SLC4A2: variants seen among roughly 807,000 people sequenced by gnomAD.
SLC4A2 encodes the protein anion exchange protein 2.
In SLC4A2, 36 loss-of-function variants were observed where a neutral mutation model predicts 115.0. That is an observed-to-expected ratio of 0.31 (90% CI 0.24 to 0.41). The LOEUF (loss-of-function observed/expected upper bound fraction) is 0.41, where lower values mean the gene tolerates loss of function less well. Ranked by LOEUF, SLC4A2 falls within the 10% of genes least tolerant of loss-of-function variation. SLC4A2 has a pLI of 1.00. For missense variants in SLC4A2, 1,252 were observed against 1,705.6 expected, an observed-to-expected ratio of 0.73 and a Z score of 4.68; for synonymous variants, 708 against 708.3, an observed-to-expected ratio of 1.00 and a Z score of 0.01.
At chr7:151,066,370 C>T (rs541354517) in intron 5 of SLC4A2, 147 bp from the exon 6 acceptor site, 34 of 939,568 alleles carry the variant, frequency 3.6e-5, no homozygotes, top group Non-Finnish European at 4.5e-5. Context: ...GAATCCTCCC[C>T]CTCCCCGTGC....
chr7:151,067,100 T>C, intron 7 of SLC4A2, 107 bp downstream of exon 7: 2 of 1,236,592 alleles, frequency 1.6e-6, no homozygotes, highest in Non-Finnish European at 2.3e-6. Context: ...TGTTGTTTTG[T>C]TGTTGTTTGA....
At position 151,076,310 on chromosome 7, in the gene SLC4A2, G is replaced by A. The variant is rs201397166; in HGVS notation, c.3669G>A (p.Pro1223=). Residue 1223 remains proline (P), a synonymous_variant, in exon 23 of 23, where the codon CCG becomes CCA. Coordinates refer to ENST00000413384, the MANE Select transcript of SLC4A2 (RefSeq NM_003040.4). The stretch of plus-strand genomic sequence containing the variant: ...AGCTGGATGCTAACGAGGCAGAGCC[G>A]GTGTTTGATGAGCGGGAGGGTGTGG... ...MKCLDANEAE[P]VFDEREGVDE... 25 of 1,548,492 alleles carry A rather than the reference G, an allele frequency of 1.6e-5. No homozygotes were observed. The highest frequency in any genetic ancestry group is 1.4e-4 in the East Asian group (6 of 44,284).
At chr7:151,062,719 C>G (rs1025746583) in intron 2 of SLC4A2, 38 of 1,421,170 alleles carry the variant, frequency 2.7e-5, no homozygotes, top group Non-Finnish European at 3.2e-5. Context: ...TGCGCCTCTC[C>G]CCGTCCCCTC....
At chr7:151,075,836 T>G in intron 21 of SLC4A2, 61 bp downstream of exon 21, 1 of 1,540,606 alleles carries the variant, frequency 6.5e-7, no homozygotes, top group Non-Finnish European at 8.8e-7. Flanking sequence ...TCTACTTGGG[T>G]CACTCTCCAG....
intron 8 of SLC4A2, among the ~76,000 whole-genome samples, chr7:151,068,554 C>G (rs1278322783): frequency 1.3e-5 from 2 of 152,040 alleles, no homozygotes; most frequent in Non-Finnish European, 1.5e-5. Context: ...GGATCTTGCT[C>G]TGTTGCCCAG....
intron 2 of SLC4A2, chr7:151,062,952 A>G (rs932518064): frequency 7.1e-7 from 1 of 1,400,120 alleles, no homozygotes; most frequent in African/African-American, 1.5e-5. Context: ...GGCTGCTGGC[A>G]CCGCTATGGA....
intron 16 of SLC4A2, 124 bp from the exon 17 acceptor site, chr7:151,073,915 G>A: frequency 1.9e-6 from 2 of 1,057,976 alleles, no homozygotes; most frequent in Non-Finnish European, 2.8e-6. Context: ...AATTCAACAA[G>A]ACAAGCTCCT....
In SLC4A2 at chr7:151,071,858, T is replaced by C. The variant is rs372563927; in HGVS notation, c.2340+21T>C. 7.5e-6 allele frequency: 12 copies of C among 1,600,326 alleles called. No individual in the cohort carries two copies. The highest frequency in any genetic ancestry group is 9.4e-6 in the Non-Finnish European group (11 of 1,172,608). ...TCTCGGTGAGGGCTCTTCTCGCCCA[T>C]CTCCAGCCGCCCCTCCCGTGCCCTA... On this transcript the variant is annotated intron_variant, in intron 15 of 22. Coordinates refer to ENST00000413384, the MANE Select transcript of SLC4A2 (RefSeq NM_003040.4). This position sits in a 1 kb window ranked among gnomAD's most constrained non-coding sequence, Gnocchi z 5.5.
intron 2 of SLC4A2, among the ~76,000 whole-genome samples, chr7:151,062,334 G>A (rs1797076757): frequency 6.6e-6 from 1 of 152,284 alleles, no homozygotes; most frequent in South Asian, 2.1e-4. Context: ...CCAGCAACCC[G>A]TCTCAGACCC....
rs928422921 is a variant in SLC4A2 at position 151,060,876 on chromosome 7, C to T, written c.-63-1049C>T. ...TGACGCTACACTGACTTGTCTTACT[C>T]CTAAGTCAGGCACCCCCAGTCCCCA... is the stretch of plus-strand genomic sequence containing the variant. On this transcript the variant is annotated intron_variant, in intron 1 of 22. Coordinates refer to ENST00000413384, the MANE Select transcript of SLC4A2 (RefSeq NM_003040.4). This position sits in a 1 kb window ranked among gnomAD's most constrained non-coding sequence, Gnocchi z 5.9. Among the ~76,000 whole-genome samples, 2 of 152,182 alleles carry T rather than the reference C, an allele frequency of 1.3e-5. No homozygotes were observed. The highest frequency in any genetic ancestry group is 4.8e-5 in the African/African-American group (2 of 41,450).
In SLC4A2 at chr7:151,071,454, G is replaced by C. The variant is rs1797436985; in HGVS notation, c.2040G>C (p.Arg680=). Residue 680 remains arginine (R), a synonymous_variant, in exon 14 of 23, where the codon CGG becomes CGC. Transcript: ENST00000413384. The surrounding 1 kb of genome is among the most constrained non-coding windows in gnomAD (Gnocchi z 5.5). ...AEDDPLRRTG[R]PFGGLIRDVR... ...ATGATCCCCTTCGGCGGACGGGGCG[G>C]CCCTTTGGGGGGCTGATCCGAGATG... 1.9e-6 allele frequency: 3 copies of C among 1,609,108 alleles called. No individual in the cohort carries two copies. Among genetic ancestry groups the C allele is most frequent in the Non-Finnish European group, 2.5e-6 (3 of 1,179,810 alleles).
At chr7:151,061,764 CT>C in intron 1 of SLC4A2, 160 bp from the exon 2 acceptor site, 1 of 559,800 alleles carries the variant, frequency 1.8e-6, no homozygotes, top group South Asian at 2.3e-5. Flanking sequence ...TTGTTCTTCT[CT>C]TTTCTTCCTA....
Position 151,064,787 on chromosome 7 carries a change from C to T in SLC4A2, c.459+20C>T, listed in dbSNP as rs1453022903. The T allele has an allele frequency of 6.2e-7, 1 of 1,608,408 alleles. No individual in the cohort carries two copies. Among genetic ancestry groups the T allele is most frequent in the Non-Finnish European group, 8.5e-7 (1 of 1,175,826 alleles). On this transcript the variant is annotated intron_variant, in intron 4 of 22. Coordinates refer to ENST00000413384, the MANE Select transcript of SLC4A2 (RefSeq NM_003040.4). ...GTGCAGGTGCGCTGGGTGCGGGCTC[C>T]TAGGGCATGTCGGCAGGGCCCTGGC... is the stretch of plus-strand genomic sequence containing the variant.
chr7:151,070,987 C>T lies in SLC4A2; in HGVS notation c.1749+76C>T, dbSNP rs1797416236. 3.8e-6 allele frequency: 6 copies of T among 1,589,838 alleles called. No homozygotes were observed. The South Asian group carries it at 5.6e-5, about 15-fold the overall frequency. On this transcript the variant is annotated intron_variant, in intron 12 of 22. Coordinates refer to ENST00000413384, the MANE Select transcript of SLC4A2 (RefSeq NM_003040.4). ...CAGTCTTGATCCCCATGACTGCCTC[C>T]CACCCACTGGCCTTGCCCACCCTCA... is the stretch of plus-strand genomic sequence containing the variant.
intron 2 of SLC4A2, chr7:151,063,311 G>C (rs1272380960): frequency 3.8e-6 from 3 of 779,622 alleles, no homozygotes; most frequent in Non-Finnish European, 5.7e-6. Flanking sequence ...CGGTCCCTGC[G>C]GGGCTGGGTT....
At chr7:151,065,755 G>A (rs1563345030) in intron 5 of SLC4A2, among the ~76,000 whole-genome samples, 1 of 152,194 alleles carries the variant, frequency 6.6e-6, no homozygotes, top group Non-Finnish European at 1.5e-5. Context: ...TGGGGCTTCC[G>A]AGAAAGCCTG....
rs981180320 is a variant in SLC4A2 at position 151,060,855 on chromosome 7, G to A, written c.-63-1070G>A. Reference sequence around the variant, plus strand: ...CCCCCCCAGACCTATATTGTTTGACGCTACACTGACTTGTCTTACTCCTAA... The same window carrying A: ...CCCCCCCAGACCTATATTGTTTGACACTACACTGACTTGTCTTACTCCTAA... On this transcript the variant is annotated intron_variant, in intron 1 of 22. Transcript: ENST00000413384. This position sits in a 1 kb window ranked among gnomAD's most constrained non-coding sequence, Gnocchi z 5.9. 2.0e-5 allele frequency among the ~76,000 whole-genome samples: 3 copies of A among 152,108 alleles called. No individual in the cohort carries two copies. The highest frequency in any genetic ancestry group is 2.1e-4 in the South Asian group (1 of 4,816).
rs1796983496 is a variant in SLC4A2, at chr7:151,059,672, G to T, written c.-154G>T. ...GAGCGGCGGGGGCGCGCCCCGGGGT[G>T]GGCACGGGGCAGTCGTCGGGAGCGC... is the stretch of plus-strand genomic sequence containing the variant. On this transcript the variant is annotated 5_prime_UTR_variant, in exon 1 of 23. Transcript: ENST00000413384. This position sits in a 1 kb window ranked among gnomAD's most constrained non-coding sequence, Gnocchi z 5.8. The T allele has an allele frequency of 6.6e-6, 1 of 151,218 alleles. No homozygotes were observed. The highest frequency in any genetic ancestry group is 1.5e-5 in the Non-Finnish European group (1 of 67,404). 9.4% of individuals were successfully genotyped at this position (151,218 alleles called of 1,614,324 possible).
intron 11 of SLC4A2, 24 bp downstream of exon 11, chr7:151,070,595 G>A (rs1294494147): frequency 1.9e-6 from 3 of 1,606,618 alleles, no homozygotes; most frequent in Non-Finnish European, 2.6e-6. Context: ...GTCACATGTA[G>A]GGGGCTTGGT....
Sources: gnomAD v4.1 joint callset for allele counts (sites outside exome capture counted in the v4.1 genomes callset) on GRCh38, gnomAD v4.1.1 for gene constraint, Gnocchi (gnomAD v3.1) non-coding constraint, MANE v1.5 for transcripts, NCBI Gene and HGNC (gene_info 2026-07-23, HGNC 2026-07-21) for gene names.